Variants in PTCHD4 observed in about 807,000 individuals in gnomAD.
The protein encoded by PTCHD4 is patched domain-containing protein 4.
PTCHD4 carries 33 observed loss-of-function variants against 58.1 expected under a neutral mutation model. The ratio of observed to expected loss-of-function variants is 0.57; its 90% confidence interval spans 0.43 to 0.76. The LOEUF (loss-of-function observed/expected upper bound fraction) is 0.76, where lower values mean the gene tolerates loss of function less well. Ranked by LOEUF, PTCHD4 falls within the 30% of genes least tolerant of loss-of-function variation. The pLI, the probability that PTCHD4 is intolerant of heterozygous loss-of-function variation, is 0.00. For missense variants in PTCHD4, 1,058 were observed against 1,027.1 expected (o/e 1.03, Z -0.41); for synonymous variants, 478 against 409.6 (o/e 1.17, Z -2.02).
At chr6:47,949,804 C>A (rs577063651) in intron 4 of PTCHD4, among the ~76,000 whole-genome samples, 3 of 152,170 alleles carry the variant, frequency 2.0e-5, no homozygotes, top group South Asian at 4.2e-4. Flanking sequence ...TTTTATACAA[C>A]CCCAGTTTGA....
intron 4 of PTCHD4, among the ~76,000 whole-genome samples, chr6:47,914,184 T>C (rs531190009): frequency 5.3e-5 from 8 of 152,156 alleles, no homozygotes; most frequent in Non-Finnish European, 7.3e-5. Flanking sequence ...TTTACCAGTA[T>C]GTTTTGTGTT....
Position 47,866,309 on chromosome 6 carries a change from G to A in PTCHD4, c.*11994C>T, listed in dbSNP as rs1160563308. Among the ~76,000 whole-genome samples the A allele has an allele frequency of 6.6e-6, 1 of 151,884 alleles. No homozygotes were observed. Among genetic ancestry groups the A allele is most frequent in the African/African-American group, 2.4e-5 (1 of 41,410 alleles). ...ATTGAAATCACTATGGGAACTCCCA[G>A]AAGTACTGAGGTTGGGTCTCGCTAT... On this transcript the variant is annotated 3_prime_UTR_variant, in exon 5 of 5. Coordinates refer to ENST00000339488, the MANE Select transcript of PTCHD4 (RefSeq NM_001384253.1).
Position 47,992,737 on chromosome 6 carries a change from A to T in PTCHD4, c.898+15897T>A, listed in dbSNP as rs532769904. Among the ~76,000 whole-genome samples the T allele has an allele frequency of 2.6e-5, 4 of 152,268 alleles. No homozygotes were observed. The South Asian group carries it at 8.3e-4, about 32-fold the overall frequency. ...CTAATAGTATCTGGATGGTGGTTTGATACTTTCTTTTTCTTTGAATGTTTT... is the reference window on the plus strand; with the variant it reads ...CTAATAGTATCTGGATGGTGGTTTGTTACTTTCTTTTTCTTTGAATGTTTT... On this transcript the variant is annotated intron_variant, in intron 4 of 4. Transcript: ENST00000339488.
At position 47,878,465 on chromosome 6, in the gene PTCHD4, A is replaced by G. The variant is rs1185435004; in HGVS notation, c.2370T>C (p.Gly790=). ...TAACAAAACAGTGCAGAAGTGTGCA[A>G]CCCCCAGTGAGCAGCAAGCATTTGA... is the stretch of plus-strand genomic sequence containing the variant. The part of the protein sequence containing the change: ...TLFKCLLLTG[G]CTLLHCFVIL... Residue 790 remains glycine (G), a synonymous_variant, in exon 5 of 5, where the codon GGT becomes GGC. Coordinates refer to ENST00000339488, the MANE Select transcript of PTCHD4 (RefSeq NM_001384253.1). 2 of 1,613,462 alleles carry G rather than the reference A, an allele frequency of 1.2e-6. No homozygotes were observed. Among genetic ancestry groups the G allele is most frequent in the African/African-American group, 1.3e-5 (1 of 74,948 alleles).
intron 4 of PTCHD4, among the ~76,000 whole-genome samples, chr6:47,962,536 G>C (rs1038141124): frequency 6.6e-6 from 1 of 152,102 alleles, no homozygotes; most frequent in African/African-American, 2.4e-5. Context: ...TAGTGAGTGA[G>C]TTCTCACGAG....
At chr6:47,956,006 T>C (rs10485048) in intron 4 of PTCHD4, among the ~76,000 whole-genome samples, 7,320 of 152,328 alleles carry the variant, frequency 0.048, 209 homozygotes, top group African/African-American at 0.063. Flanking sequence ...TTTCATTATA[T>C]AGTGGTTCTT....
chr6:48,104,834 A>C (rs1765685392), intron 1 of PTCHD4, among the ~76,000 whole-genome samples: 1 of 152,196 alleles, frequency 6.6e-6, no homozygotes, highest in Non-Finnish European at 1.5e-5. Context: ...TTAAACCAAC[A>C]AAGATCAAAA....
intron 1 of PTCHD4, among the ~76,000 whole-genome samples, chr6:48,096,555 T>A (rs1237694222): frequency 6.7e-6 from 1 of 148,914 alleles, no homozygotes; most frequent in African/African-American, 2.5e-5. Flanking sequence ...GAAGTTGCAG[T>A]GAGCCGAGAT....
chr6:47,955,863 G>A (rs558473574), intron 4 of PTCHD4, among the ~76,000 whole-genome samples: 1 of 152,244 alleles, frequency 6.6e-6, no homozygotes, highest in African/African-American at 2.4e-5. Context: ...GAGGGCAGGA[G>A]GCCTGTCCTG....
chr6:48,007,352 T>A (rs1762480695), intron 4 of PTCHD4, among the ~76,000 whole-genome samples: 1 of 152,174 alleles, frequency 6.6e-6, no homozygotes, highest in Non-Finnish European at 1.5e-5. Flanking sequence ...ATAAACACAC[T>A]TCATATTTTC....
intron 1 of PTCHD4, among the ~76,000 whole-genome samples, chr6:48,077,744 G>C (rs1395062675): frequency 6.6e-6 from 1 of 152,094 alleles, no homozygotes; most frequent in Non-Finnish European, 1.5e-5. Context: ...GTATCTCAGG[G>C]GAATAGGCAG....
chr6:48,055,989 T>C (rs1764392471), intron 3 of PTCHD4, among the ~76,000 whole-genome samples: 2 of 152,246 alleles, frequency 1.3e-5, no homozygotes, highest in African/African-American at 2.4e-5. Context: ...ATTAGGATGG[T>C]ATCCAATGTT....
Position 47,876,040 on chromosome 6 carries a change from G to T in PTCHD4, c.*2263C>A, listed in dbSNP as rs967053949. On this transcript the variant is annotated 3_prime_UTR_variant, in exon 5 of 5. Transcript: ENST00000339488. ...AATCTTTACAAATGATGGGTAATCT[G>T]TAAGAGGAATTCTCCTCCTCCCTGC... Among the ~76,000 whole-genome samples the T allele has an allele frequency of 6.6e-6, 1 of 151,508 alleles. No individual in the cohort carries two copies. Among genetic ancestry groups the T allele is most frequent in the African/African-American group, 2.4e-5 (1 of 41,340 alleles).
chr6:47,924,468 A>C (rs976361165), intron 4 of PTCHD4, among the ~76,000 whole-genome samples: 1 of 152,110 alleles, frequency 6.6e-6, no homozygotes, highest in Non-Finnish European at 1.5e-5. Context: ...CCCAGAGTGA[A>C]TCCAATCTTG....
chr6:48,003,990 G>T (rs1455693596), intron 4 of PTCHD4, among the ~76,000 whole-genome samples: 2 of 151,950 alleles, frequency 1.3e-5, no homozygotes, highest in Non-Finnish European at 2.9e-5. Context: ...CCCTTATTCT[G>T]CTTTATTTGT....
chr6:48,032,395 GCTCT>G (rs1328424177), intron 3 of PTCHD4, among the ~76,000 whole-genome samples: 1 of 151,668 alleles, frequency 6.6e-6, no homozygotes, highest in African/African-American at 2.4e-5. Flanking sequence ...AAAATAGCTC[GCTCT>G]CTCTCTCCCT....
rs1765186122 is a variant in PTCHD4 at position 48,082,553 on chromosome 6, TAA to T, written c.-969-12629_-969-12628del. Among the ~76,000 whole-genome samples, 3 of 152,276 alleles carry T rather than the reference TAA, an allele frequency of 2.0e-5. No individual in the cohort carries two copies. In the East Asian group the frequency reaches 5.8e-4, roughly 29 times the overall value. On this transcript the variant is annotated intron_variant, in intron 1 of 4. Transcript: ENST00000339488. ...AGCACATATGCCCTGTGATTAAAAATAAGACTCTTCTATCCACATCTTCCTAC... is the reference window on the plus strand; with the variant it reads ...AGCACATATGCCCTGTGATTAAAAATGACTCTTCTATCCACATCTTCCTAC...
intron 4 of PTCHD4, among the ~76,000 whole-genome samples, chr6:47,927,142 G>A (rs1056489983): frequency 1.3e-5 from 2 of 152,092 alleles, no homozygotes; most frequent in Admixed American, 6.5e-5. Flanking sequence ...CAAAAGAGTC[G>A]GCACCTGAGC....
intron 4 of PTCHD4, among the ~76,000 whole-genome samples, chr6:47,973,549 G>A (rs896742453): frequency 6.6e-6 from 1 of 152,218 alleles, no homozygotes; most frequent in Admixed American, 6.5e-5. Context: ...ACAGGGGCAG[G>A]CATTTACCTC....
Sources: allele counts gnomAD v4.1 joint callset (sites outside exome capture counted in the v4.1 genomes callset), GRCh38; gene constraint gnomAD v4.1.1; transcripts MANE v1.5; gene names NCBI Gene and HGNC (gene_info 2026-07-23, HGNC 2026-07-21).